ATP11A: variants seen among roughly 807,000 people sequenced by gnomAD.
ATP11A encodes phospholipid-transporting ATPase IH.
A neutral mutation model predicts 154.4 loss-of-function variants in ATP11A; 81 were observed. That is an observed-to-expected ratio of 0.52 (90% CI 0.44 to 0.63). ATP11A has a LOEUF of 0.63. Among genes scored for constraint, ATP11A ranks in the 30% least tolerant of loss-of-function variants. ATP11A has a pLI of 0.00. For missense variants in ATP11A, 1,316 were observed against 1,474.3 expected, an observed-to-expected ratio of 0.89 and a Z score of 1.76; for synonymous variants, 623 against 585.9, an observed-to-expected ratio of 1.06 and a Z score of -0.91.
intron 1 of ATP11A, among the ~76,000 whole-genome samples, chr13:112,775,910 G>A (rs1169642192): frequency 3.9e-5 from 6 of 152,102 alleles, no homozygotes; most frequent in South Asian, 2.1e-4. Context: ...CAGCAAGTAC[G>A]CCCCCGTCCC....
At chr13:112,847,109 A>G (rs1210526109) in intron 17 of ATP11A, among the ~76,000 whole-genome samples, 1 of 152,192 alleles carries the variant, frequency 6.6e-6, no homozygotes, top group Admixed American at 6.5e-5. Context: ...GGCTCCGGCT[A>G]CGTTCCCCTG....
intron 1 of ATP11A, among the ~76,000 whole-genome samples, chr13:112,702,357 A>AAC: frequency 6.6e-6 from 1 of 151,358 alleles, no homozygotes; most frequent in Admixed American, 6.6e-5. Context: ...AAAAAAAAAA[A>AAC]AAAAAGAAAC....
rs199737610 is a variant in ATP11A at position 112,806,201 on chromosome 13, C to G, written c.253-12C>G. 20 of 1,606,484 alleles carry G rather than the reference C, an allele frequency of 1.2e-5. No individual in the cohort carries two copies. The East Asian group carries it at 3.3e-4, about 27-fold the overall frequency. ...TTTTTGAAGATGATTTTACAATTCT[C>G]TCTTTCTGCAGTTGATTATTGATAC... On this transcript the variant is annotated splice_polypyrimidine_tract_variant and intron_variant, in intron 3 of 29. Transcript: ENST00000375645.
At chr13:112,722,360 T>C (rs1359126717) in intron 1 of ATP11A, among the ~76,000 whole-genome samples, 3 of 151,456 alleles carry the variant, frequency 2.0e-5, no homozygotes, top group Admixed American at 6.6e-5. Context: ...TAGATTTAAA[T>C]TTTTTCTAAT....
At chr13:112,821,267 G>A (rs2078790618) in intron 8 of ATP11A, among the ~76,000 whole-genome samples, 1 of 152,144 alleles carries the variant, frequency 6.6e-6, no homozygotes, top group Non-Finnish European at 1.5e-5. Context: ...AATTGCTAAT[G>A]TATTTTGCAT....
In ATP11A at chr13:112,807,466, G is replaced by T. The variant is rs1001777606; in HGVS notation, c.333+1173G>T. On this transcript the variant is annotated intron_variant, in intron 4 of 29. Transcript: ENST00000375645. The surrounding 1 kb of genome is among the most constrained non-coding windows in gnomAD (Gnocchi z 4.5). ...GCATGGCAGAACACAGCACAGTAAC[G>T]AAACGAACTGTGCTGCCTGGAGAAC... 6.6e-6 allele frequency among the ~76,000 whole-genome samples: 1 copy of T among 152,196 alleles called. No homozygotes were observed. Among genetic ancestry groups the T allele is most frequent in the African/African-American group, 2.4e-5 (1 of 41,448 alleles).
Position 112,753,057 on chromosome 13 carries a change from C to T in ATP11A, c.40-32078C>T, listed in dbSNP as rs1420565473. On this transcript the variant is annotated intron_variant, in intron 1 of 29. Transcript: ENST00000375645. The surrounding 1 kb of genome is among the most constrained non-coding windows in gnomAD (Gnocchi z 4.1). ...TGGGGCAGGAGGTAGAAGTCAGTGA[C>T]ATCAGGCCCAGGGTAAATGAGTCAG... 6.6e-6 allele frequency among the ~76,000 whole-genome samples: 1 copy of T among 152,200 alleles called. No homozygotes were observed. Among genetic ancestry groups the T allele is most frequent in the African/African-American group, 2.4e-5 (1 of 41,452 alleles).
intron 1 of ATP11A, among the ~76,000 whole-genome samples, chr13:112,711,746 A>ATTGC (rs1311094645): frequency 1.3e-5 from 2 of 152,210 alleles, no homozygotes; most frequent in Non-Finnish European, 2.9e-5. Context: ...CCAGGCTTGA[A>ATTGC]TTGCTAGTGT....
At chr13:112,879,941 C>T (rs943336569) in intron 29 of ATP11A, among the ~76,000 whole-genome samples, 2 of 152,234 alleles carry the variant, frequency 1.3e-5, no homozygotes, top group African/African-American at 2.4e-5. Context: ...CAGTTCACTT[C>T]TCCGTCACTG....
At chr13:112,788,272 C>A (rs1357862780) in intron 2 of ATP11A, among the ~76,000 whole-genome samples, 1 of 151,100 alleles carries the variant, frequency 6.6e-6, no homozygotes, top group Non-Finnish European at 1.5e-5. Context: ...TTAATTCACA[C>A]CGGGTATTCT....
At chr13:112,805,144 G>A (rs962552542) in intron 3 of ATP11A, 98 bp downstream of exon 3, 9 of 812,842 alleles carry the variant, frequency 1.1e-5, no homozygotes, top group South Asian at 5.6e-5. Flanking sequence ...AAAGAGCAAG[G>A]ACATGGTGCC....
At chr13:112,713,922 AGCCTCCCTTCCATTCTTCC>A (rs1888074352) in intron 1 of ATP11A, among the ~76,000 whole-genome samples, 1 of 99,164 alleles carries the variant, frequency 1.0e-5, no homozygotes, top group African/African-American at 3.7e-5. Flanking sequence ...CCCTGATCCC[AGCCTCCCTTCCATTCTTCC>A]CACCCCAGAT....
chr13:112,845,206 G>T lies in ATP11A; in HGVS notation c.1809+2827G>T, dbSNP rs187587540. On this transcript the variant is annotated intron_variant, in intron 17 of 29. Transcript: ENST00000375645. The stretch of plus-strand genomic sequence containing the variant: ...TAACCAGTCCAGTTTCCAGGCACTA[G>T]TGATACTAACCAGTCCAGTTGCCGG... 1.8e-4 allele frequency among the ~76,000 whole-genome samples: 26 copies of T among 145,908 alleles called. No homozygotes were observed. In the East Asian group the frequency reaches 3.4e-3, roughly 19 times the overall value.
At chr13:112,839,675 A>T (rs908224884) in intron 16 of ATP11A, among the ~76,000 whole-genome samples, 4 of 152,088 alleles carry the variant, frequency 2.6e-5, no homozygotes, top group Non-Finnish European at 5.9e-5. Context: ...TTGTAGATTA[A>T]CTTTTGCTCT....
chr13:112,702,028 T>C (rs562762191), intron 1 of ATP11A, among the ~76,000 whole-genome samples: 1 of 151,938 alleles, frequency 6.6e-6, no homozygotes, highest in East Asian at 2.0e-4. Flanking sequence ...CAGTTCCTCC[T>C]CTTGTCACAG....
intron 15 of ATP11A, 63 bp from the exon 16 acceptor site, chr13:112,836,115 T>G: frequency 8.0e-7 from 1 of 1,250,030 alleles, no homozygotes; most frequent in Admixed American, 1.8e-5. Context: ...AGCTCCACAG[T>G]TACCAGATGG....
At chr13:112,805,870 T>C (rs1354796803) in intron 3 of ATP11A, among the ~76,000 whole-genome samples, 1 of 152,040 alleles carries the variant, frequency 6.6e-6, no homozygotes, top group Non-Finnish European at 1.5e-5. Context: ...TGAAGGACTT[T>C]AAAAATTTTT....
At position 112,862,339 on chromosome 13, in the gene ATP11A, T is replaced by C. The variant is rs140299379; in HGVS notation, c.2856-101T>C. On this transcript the variant is annotated intron_variant, in intron 24 of 29. Transcript: ENST00000375645. ...ATGTTTACTGGCCGTGCACATCTTA[T>C]CCCATGAAGACAACGTCCAGGGATG... 2,966 of 1,425,312 alleles carry C rather than the reference T, an allele frequency of 2.1e-3. 51 individuals carry two copies. The African/African-American group carries it at 0.037, about 18-fold the overall frequency. The allele number at this position is 1,425,312 out of a possible 1,614,324, so 88.3% of individuals were successfully genotyped here. A position where few individuals can be genotyped will look rare whatever the true frequency, so the allele number is the denominator to read the frequency against.
chr13:112,855,748 G>A (rs901784416), intron 19 of ATP11A, among the ~76,000 whole-genome samples, 163 bp from the exon 20 acceptor site: 2 of 152,142 alleles, frequency 1.3e-5, no homozygotes, highest in Admixed American at 1.3e-4. Context: ...TCGACAAAAG[G>A]TGTTATGTTC....
Sources: allele counts gnomAD v4.1 joint callset (sites outside exome capture counted in the v4.1 genomes callset), GRCh38; gene constraint gnomAD v4.1.1; non-coding constraint Gnocchi (gnomAD v3.1); transcripts MANE v1.5; gene names NCBI Gene and HGNC (gene_info 2026-07-23, HGNC 2026-07-21).